ADAMTS16: variants seen among roughly 807,000 people sequenced by gnomAD.
The protein encoded by ADAMTS16 is A disintegrin and metalloproteinase with thrombospondin motifs 16.
In ADAMTS16, 94 loss-of-function variants were observed where a neutral mutation model predicts 145.8. The ratio of observed to expected loss-of-function variants is 0.64; its 90% CI spans 0.55 to 0.77. The LOEUF is 0.77. Ranked by LOEUF, ADAMTS16 falls within the 30% of genes least tolerant of loss-of-function variation. The pLI is 0.00. For missense variants in ADAMTS16, 1,585 were observed against 1,591.5 expected (o/e 1.00, Z 0.07); for synonymous variants, 659 against 604.3 (o/e 1.09, Z -1.33).
intron 21 of ADAMTS16, among the ~76,000 whole-genome samples, chr5:5,308,305 A>T (rs1366972630): frequency 6.6e-6 from 1 of 152,230 alleles, no homozygotes; most frequent in Non-Finnish European, 1.5e-5. Context: ...GTGCCATAGG[A>T]ATAACCCTAT....
chr5:5,262,354 GC>G (rs1560974991), intron 17 of ADAMTS16, among the ~76,000 whole-genome samples: 3 of 152,212 alleles, frequency 2.0e-5, no homozygotes, highest in African/African-American at 7.2e-5. Context: ...TAGAAAAGAA[GC>G]AGGTACATTT....
At chr5:5,265,070 G>A (rs1282990287) in intron 18 of ADAMTS16, among the ~76,000 whole-genome samples, 1 of 152,182 alleles carries the variant, frequency 6.6e-6, no homozygotes, top group Non-Finnish European at 1.5e-5. Flanking sequence ...ACCAAATGCA[G>A]ACACACCCTC....
chr5:5,199,989 C>A, intron 8 of ADAMTS16, 143 bp from the exon 9 acceptor site: 2 of 957,950 alleles, frequency 2.1e-6, no homozygotes, highest in East Asian at 5.4e-5. Flanking sequence ...AACCAATTGG[C>A]AGTTGTGACT....
At chr5:5,238,711 A>G (rs1737188908) in intron 14 of ADAMTS16, among the ~76,000 whole-genome samples, 1 of 152,176 alleles carries the variant, frequency 6.6e-6, no homozygotes, top group Non-Finnish European at 1.5e-5. Context: ...CCTTTATGTA[A>G]TTACTACTGA....
rs1735362958 is a variant in ADAMTS16, at chr5:5,182,290, G to A, written c.748G>A (p.Gly250Arg). The A allele has an allele frequency of 1.2e-6, 2 of 1,612,328 alleles. No individual in the cohort carries two copies. The highest frequency in any genetic ancestry group is 1.3e-5 in the African/African-American group (1 of 74,884). Residue 250 changes from glycine to arginine, a missense_variant, in exon 4 of 23, where the codon GGA becomes AGA. Physicochemically the swap from Gly to Arg is moderately radical, Grantham distance 125. Coordinates refer to ENST00000274181, the MANE Select transcript of ADAMTS16 (RefSeq NM_139056.4). ...ACTGCCACAAAAGCAGCATTTCTGT[G>A]GAAGACGCAAGAAATGTATGTAAGG... ...LGLPQKQHFC[G>R]RRKKYMPQPP...
intron 3 of ADAMTS16, among the ~76,000 whole-genome samples, chr5:5,158,511 A>G (rs1171119682): frequency 6.6e-6 from 1 of 150,954 alleles, no homozygotes; most frequent in African/African-American, 2.4e-5. Flanking sequence ...CCAATCAGCC[A>G]TCATGCAGGT....
chr5:5,271,907 T>C (rs923203864), intron 18 of ADAMTS16, among the ~76,000 whole-genome samples: 4 of 152,188 alleles, frequency 2.6e-5, no homozygotes, highest in South Asian at 2.1e-4. Flanking sequence ...ATAATTCCTT[T>C]TACAACCAAG....
At position 5,220,190 on chromosome 5, in the gene ADAMTS16, C is replaced by T. The variant is rs192443776; in HGVS notation, c.1606-2599C>T. On this transcript the variant is annotated intron_variant, in intron 10 of 22. Transcript: ENST00000274181. Reference sequence around the variant, plus strand: ...TTTTTTTTTTTTTGAGATGGAGTCTCACTCTGTCACCCAGTCTAGAGTACA... The same window carrying T: ...TTTTTTTTTTTTTGAGATGGAGTCTTACTCTGTCACCCAGTCTAGAGTACA... 4.8e-3 allele frequency among the ~76,000 whole-genome samples: 665 copies of T among 138,914 alleles called. 3 individuals carry two copies. The highest frequency in any genetic ancestry group is 0.017 in the African/African-American group (629 of 36,190). 91.1% of individuals were successfully genotyped at this position (138,914 alleles called of 152,430 possible).
Position 5,140,681 on chromosome 5 carries a change from G to A in ADAMTS16, c.90G>A (p.Met30Ile). 1 of 1,559,496 alleles carries A rather than the reference G, an allele frequency of 6.4e-7. No homozygotes were observed. The highest frequency in any genetic ancestry group is 8.7e-7 in the Non-Finnish European group (1 of 1,155,478). ...QVAEQAPACA[M>I]GPAAAAPGSP... Reference sequence around the variant, plus strand: ...TTCCGCAGGCACCTGCGTGCGCCATGGGACCCGCAGCGGCAGCGCCTGGGA... The same window carrying A: ...TTCCGCAGGCACCTGCGTGCGCCATAGGACCCGCAGCGGCAGCGCCTGGGA... Residue 30 changes from methionine (M) to isoleucine (I), a missense_variant, in exon 2 of 23, where the codon ATG (methionine) becomes ATA (isoleucine). By Grantham distance (10) the Met-to-Ile change is conservative (BLOSUM62 1). Coordinates refer to ENST00000274181, the MANE Select transcript of ADAMTS16 (RefSeq NM_139056.4).
intron 11 of ADAMTS16, among the ~76,000 whole-genome samples, chr5:5,229,712 T>C (rs913581728): frequency 6.6e-6 from 1 of 152,188 alleles, no homozygotes; most frequent in Non-Finnish European, 1.5e-5. Context: ...TTTTTCTTTA[T>C]CATTTAGAGA....
At chr5:5,169,065 T>G (rs1357733680) in intron 3 of ADAMTS16, among the ~76,000 whole-genome samples, 1 of 152,020 alleles carries the variant, frequency 6.6e-6, no homozygotes, top group Non-Finnish European at 1.5e-5. Flanking sequence ...GATTTCTCAC[T>G]TCCTGGCTTG....
intron 18 of ADAMTS16, among the ~76,000 whole-genome samples, chr5:5,275,316 A>C (rs999740571): frequency 1.3e-5 from 2 of 152,100 alleles, no homozygotes; most frequent in Admixed American, 1.3e-4. Flanking sequence ...GGAAGTTTTA[A>C]AGTTATCTTA....
chr5:5,153,125 G>C (rs1708258560), intron 3 of ADAMTS16, among the ~76,000 whole-genome samples: 1 of 152,202 alleles, frequency 6.6e-6, no homozygotes, highest in African/African-American at 2.4e-5. Flanking sequence ...AATTTGCATT[G>C]TGTCACCTGA....
Position 5,182,200 on chromosome 5 carries a change from C to T in ADAMTS16, c.658C>T (p.Leu220=). 6.2e-7 allele frequency: 1 copy of T among 1,614,172 alleles called. No individual in the cohort carries two copies. The highest frequency in any genetic ancestry group is 8.5e-7 in the Non-Finnish European group (1 of 1,180,028). The stretch of plus-strand genomic sequence containing the variant: ...CCATGCTCCTGGGGCCAGTGAGGTC[C>T]TGGTGACCTCAAGGACATGGGAGCT... ...EPHAPGASEV[L]VTSRTWELAH... Residue 220 remains leucine, a synonymous_variant, in exon 4 of 23, where the codon CTG becomes TTG. Transcript: ENST00000274181.
intron 18 of ADAMTS16, among the ~76,000 whole-genome samples, chr5:5,289,090 TA>T: frequency 6.6e-6 from 1 of 152,238 alleles, no homozygotes; most frequent in Non-Finnish European, 1.5e-5. Flanking sequence ...TTCCTGGGTG[TA>T]AATTCCATCT....
intron 3 of ADAMTS16, among the ~76,000 whole-genome samples, chr5:5,177,860 C>T (rs766438785): frequency 1.3e-5 from 2 of 152,066 alleles, no homozygotes; most frequent in Non-Finnish European, 2.9e-5. Flanking sequence ...ATAGGTGGCT[C>T]TCATGAATAG....
intron 17 of ADAMTS16, among the ~76,000 whole-genome samples, chr5:5,246,421 G>T (rs1008189797): frequency 1.3e-5 from 2 of 151,884 alleles, no homozygotes; most frequent in Non-Finnish European, 1.5e-5. Flanking sequence ...GATATTTCTA[G>T]GGCTTAAGGT....
chr5:5,247,848 G>C (rs185546166), intron 17 of ADAMTS16, among the ~76,000 whole-genome samples: 1 of 152,246 alleles, frequency 6.6e-6, no homozygotes, highest in Non-Finnish European at 1.5e-5. Flanking sequence ...ACATGTGAAG[G>C]TGCCTCAGCC....
intron 2 of ADAMTS16, among the ~76,000 whole-genome samples, chr5:5,145,123 T>G (rs1734260292): frequency 6.6e-6 from 1 of 152,170 alleles, no homozygotes; most frequent in Non-Finnish European, 1.5e-5. Flanking sequence ...AGTTTTTAGA[T>G]AGGACAAACT....
Sources: allele counts gnomAD v4.1 joint callset (sites outside exome capture counted in the v4.1 genomes callset), GRCh38; gene constraint gnomAD v4.1.1; transcripts MANE v1.5; gene names NCBI Gene and HGNC (gene_info 2026-07-23, HGNC 2026-07-21).